Variants in CCDC148 observed in about 807,000 individuals in gnomAD.
The protein encoded by CCDC148 is coiled-coil domain containing 148.
Under a neutral mutation model 85.7 loss-of-function variants are expected in CCDC148, and 89 were observed. That is an observed-to-expected ratio of 1.04 (90% CI 0.87 to 1.24). The LOEUF (loss-of-function observed/expected upper bound fraction) is 1.24. Ranked by LOEUF, CCDC148 falls within the 50% of genes most tolerant of loss-of-function variation. The pLI is 0.00. For synonymous variants in CCDC148, 230 were observed against 213.9 expected, an observed-to-expected ratio of 1.08 and a Z score of -0.66; for missense variants, 692 against 671.7, an observed-to-expected ratio of 1.03 and a Z score of -0.33.
chr2:158,191,530 T>C (rs143157610), intron 11 of CCDC148, among the ~76,000 whole-genome samples: 7 of 151,802 alleles, frequency 4.6e-5, no homozygotes, highest in Admixed American at 1.3e-4. Flanking sequence ...ACCCTTCTAA[T>C]CCCCCCAAGT....
intron 3 of CCDC148, among the ~76,000 whole-genome samples, chr2:158,342,016 A>C (rs1021583064): frequency 7.8e-5 from 8 of 102,878 alleles, no homozygotes; most frequent in African/African-American, 3.3e-4. Flanking sequence ...ACGTGTCATT[A>C]TTTTCTTTTC....
At chr2:158,402,998 A>G (rs984554145) in intron 1 of CCDC148, among the ~76,000 whole-genome samples, 3 of 152,114 alleles carry the variant, frequency 2.0e-5, no homozygotes, top group Admixed American at 1.3e-4. Flanking sequence ...TGAAATGAAC[A>G]AATCTTAACA....
chr2:158,263,678 C>T (rs1689334518), intron 9 of CCDC148, among the ~76,000 whole-genome samples: 1 of 151,942 alleles, frequency 6.6e-6, no homozygotes, highest in African/African-American at 2.4e-5. Flanking sequence ...AGAAATGACT[C>T]CTCTTTTGAT....
chr2:158,307,703 G>A (rs1157632124), intron 9 of CCDC148, among the ~76,000 whole-genome samples: 1 of 152,032 alleles, frequency 6.6e-6, no homozygotes, highest in Non-Finnish European at 1.5e-5. Flanking sequence ...ATACTAAACA[G>A]CAATAAAGAA....
intron 9 of CCDC148, among the ~76,000 whole-genome samples, chr2:158,270,559 C>T (rs1379271395): frequency 6.6e-6 from 1 of 152,158 alleles, no homozygotes; most frequent in Non-Finnish European, 1.5e-5. Flanking sequence ...CATAGGTAAA[C>T]CTGGGATCTT....
chr2:158,442,353 T>C (rs1687970901), intron 1 of CCDC148, among the ~76,000 whole-genome samples: 1 of 152,194 alleles, frequency 6.6e-6, no homozygotes, highest in Non-Finnish European at 1.5e-5. Flanking sequence ...TAAATAGGCC[T>C]GTCGAAAGGA....
At chr2:158,424,109 A>G (rs1559135812) in intron 1 of CCDC148, among the ~76,000 whole-genome samples, 1 of 152,196 alleles carries the variant, frequency 6.6e-6, no homozygotes, top group Non-Finnish European at 1.5e-5. Flanking sequence ...ACACTTTTAT[A>G]CTGTTGGTGG....
At chr2:158,307,874 A>G (rs1187985153) in intron 9 of CCDC148, among the ~76,000 whole-genome samples, 3 of 152,140 alleles carry the variant, frequency 2.0e-5, no homozygotes, top group Non-Finnish European at 2.9e-5. Context: ...ACAGGTGGGG[A>G]TTGTATTTAC....
chr2:158,302,380 A>G (rs1159781430), intron 9 of CCDC148, among the ~76,000 whole-genome samples: 2 of 152,052 alleles, frequency 1.3e-5, no homozygotes, highest in Admixed American at 1.3e-4. Flanking sequence ...AGAGTGGGCA[A>G]ACTAAGGACA....
chr2:158,273,616 T>A (rs1453051822), intron 9 of CCDC148, among the ~76,000 whole-genome samples: 1 of 152,178 alleles, frequency 6.6e-6, no homozygotes, highest in Non-Finnish European at 1.5e-5. Context: ...CTCACAAAGA[T>A]GCCACACCCT....
Position 158,311,399 on chromosome 2 carries a change from G to T in CCDC148, c.904-1760C>A, listed in dbSNP as rs576220637. ...GGCAGGAGAATCAGGCAGGGAAGTT[G>T]CAGTGAGCCGAGATCGCGGCAGTAC... On this transcript the variant is annotated intron_variant, in intron 8 of 13. Coordinates refer to ENST00000283233, the MANE Select transcript of CCDC148 (RefSeq NM_138803.4). Among the ~76,000 whole-genome samples, 103 of 152,212 alleles carry T rather than the reference G, an allele frequency of 6.8e-4. 4 individuals are homozygous for T. The South Asian group carries it at 0.02, about 30-fold the overall frequency.
At chr2:158,437,708 T>C (rs1350970283) in intron 1 of CCDC148, among the ~76,000 whole-genome samples, 4 of 152,116 alleles carry the variant, frequency 2.6e-5, no homozygotes, top group African/African-American at 9.7e-5. Context: ...GCAGATGACA[T>C]AATTGTATAT....
At chr2:158,189,268 T>C (rs904446298) in intron 11 of CCDC148, among the ~76,000 whole-genome samples, 6 of 151,878 alleles carry the variant, frequency 4.0e-5, no homozygotes, top group African/African-American at 1.4e-4. Flanking sequence ...TGTAAATCAA[T>C]TCATTCCCTT....
chr2:158,416,440 C>T (rs1017408888), intron 1 of CCDC148, among the ~76,000 whole-genome samples: 14 of 152,326 alleles, frequency 9.2e-5, no homozygotes, highest in Admixed American at 7.8e-4. Flanking sequence ...AGCCAGGCCA[C>T]ATCTTGAATG....
chr2:158,332,863 G>A (rs1693211993), intron 7 of CCDC148, among the ~76,000 whole-genome samples: 1 of 147,438 alleles, frequency 6.8e-6, no homozygotes, highest in Admixed American at 6.9e-5. Flanking sequence ...GTATTTCTGT[G>A]GGATCAGTGG....
intron 1 of CCDC148, 110 bp from the exon 2 acceptor site, chr2:158,358,680 T>C (rs942601620): frequency 7.4e-6 from 4 of 542,290 alleles, no homozygotes; most frequent in Non-Finnish European, 1.1e-5. Context: ...TAAATATTTT[T>C]AAGCAAATAT....
intron 1 of CCDC148, among the ~76,000 whole-genome samples, chr2:158,406,576 A>C (rs1374320089): frequency 2.1e-5 from 3 of 139,588 alleles, no homozygotes; most frequent in East Asian, 4.1e-4. Context: ...TAAAGTGCAC[A>C]CTCTTGAGGT....
chr2:158,316,959 T>A (rs12613175), intron 7 of CCDC148, among the ~76,000 whole-genome samples: 7,072 of 152,270 alleles, frequency 0.046, 254 homozygotes, highest in East Asian at 0.14. Flanking sequence ...AAATCAAACC[T>A]TCATCTTTTT....
At chr2:158,348,442 A>C (rs1683101290) in intron 2 of CCDC148, among the ~76,000 whole-genome samples, 2 of 152,056 alleles carry the variant, frequency 1.3e-5, no homozygotes, top group African/African-American at 4.8e-5. Flanking sequence ...ATCTACAAAA[A>C]AAAAAAGTAT....
Sources: gnomAD v4.1 joint callset for allele counts (sites outside exome capture counted in the v4.1 genomes callset) on GRCh38, gnomAD v4.1.1 for gene constraint, MANE v1.5 for transcripts, NCBI Gene and HGNC (gene_info 2026-07-23, HGNC 2026-07-21) for gene names.